Variants in CSNK2A2IP observed in about 807,000 individuals in gnomAD.
CSNK2A2IP encodes casein kinase 2 subunit alpha' interacting protein, also known as casein kinase II subunit alpha'-interacting protein.
At chr3:88,345,996 A>G in the CSNK2A2IP span, among the ~76,000 whole-genome samples, 1 of 119,994 alleles carries the variant, frequency 8.3e-6, no homozygotes, top group Non-Finnish European at 2.1e-5. Context: ...TCCAATGACT[A>G]CACAAATAAT....
the CSNK2A2IP span, among the ~76,000 whole-genome samples, chr3:88,342,753 T>C: frequency 6.6e-6 from 1 of 151,736 alleles, no homozygotes; most frequent in Non-Finnish European, 1.5e-5. Flanking sequence ...TACATGACTC[T>C]ACCACCTCCA....
At chr3:88,382,976 C>T in the CSNK2A2IP span, 1 of 152,160 alleles carries the variant, frequency 6.6e-6, no homozygotes, top group African/African-American at 2.4e-5. Flanking sequence ...TTTCTAATCT[C>T]ACATTTCCTA....
the CSNK2A2IP span, among the ~76,000 whole-genome samples, chr3:88,454,005 G>GATAA: frequency 2.0e-5 from 3 of 152,094 alleles, no homozygotes; most frequent in South Asian, 2.1e-4. Flanking sequence ...TTAAAGAAAG[G>GATAA]ATAAAGTGTT....
the CSNK2A2IP span, among the ~76,000 whole-genome samples, chr3:88,441,635 G>C: frequency 4.3e-4 from 65 of 152,236 alleles, no homozygotes; most frequent in Middle Eastern, 3.4e-3. Flanking sequence ...GGTAATCTTA[G>C]AGAATACATT....
chr3:88,413,720 C>T, the CSNK2A2IP span, among the ~76,000 whole-genome samples: 1 of 151,768 alleles, frequency 6.6e-6, no homozygotes, highest in Non-Finnish European at 1.5e-5. Context: ...TTCAGACTTT[C>T]AGTGTTTTTA....
At chr3:88,392,415 A>G in the CSNK2A2IP span, among the ~76,000 whole-genome samples, 1 of 152,232 alleles carries the variant, frequency 6.6e-6, no homozygotes, top group Admixed American at 6.5e-5. Context: ...GCTAGAGAAG[A>G]CAAGGAGATG....
the CSNK2A2IP span, among the ~76,000 whole-genome samples, chr3:88,345,958 G>T: frequency 6.6e-6 from 1 of 151,854 alleles, no homozygotes; most frequent in Non-Finnish European, 1.5e-5. Context: ...GCAAACAACA[G>T]GTTCTTGAAG....
chr3:88,436,939 A>G, the CSNK2A2IP span, among the ~76,000 whole-genome samples: 4 of 152,300 alleles, frequency 2.6e-5, no homozygotes, highest in East Asian at 7.7e-4. Flanking sequence ...AATTTTTAAT[A>G]GGAAAATGTG....
the CSNK2A2IP span, among the ~76,000 whole-genome samples, chr3:88,396,174 G>A: frequency 8.2e-5 from 12 of 146,928 alleles, no homozygotes; most frequent in Admixed American, 7.6e-4. Context: ...GCGCAATCTC[G>A]GCTCACTGCA....
At chr3:88,348,229 G>A in the CSNK2A2IP span, among the ~76,000 whole-genome samples, 2 of 151,928 alleles carry the variant, frequency 1.3e-5, no homozygotes, top group South Asian at 4.1e-4. Context: ...GAGAATTTCT[G>A]TTCTTGCAGC....
the CSNK2A2IP span, among the ~76,000 whole-genome samples, chr3:88,421,067 G>A: frequency 4.6e-5 from 7 of 152,076 alleles, no homozygotes; most frequent in South Asian, 2.1e-4. Context: ...TCCTCCTCCC[G>A]TCTCCGAAGA....
the CSNK2A2IP span, among the ~76,000 whole-genome samples, chr3:88,388,641 G>A: frequency 1.3e-5 from 2 of 152,168 alleles, no homozygotes; most frequent in Non-Finnish European, 2.9e-5. Context: ...ACAGTAGTCA[G>A]ATATAAGATT....
At chr3:88,445,103 A>C in the CSNK2A2IP span, among the ~76,000 whole-genome samples, 1 of 151,918 alleles carries the variant, frequency 6.6e-6, no homozygotes, top group Non-Finnish European at 1.5e-5. Flanking sequence ...TGACTTCATT[A>C]ACGAGTAAGA....
the CSNK2A2IP span, among the ~76,000 whole-genome samples, chr3:88,429,936 T>G: frequency 8.4e-5 from 12 of 143,468 alleles, no homozygotes; most frequent in African/African-American, 3.0e-4. Flanking sequence ...TTTTTTTTTG[T>G]ATTTTTAGTA....
the CSNK2A2IP span, among the ~76,000 whole-genome samples, chr3:88,402,612 A>T: frequency 6.6e-6 from 1 of 151,720 alleles, no homozygotes; most frequent in Non-Finnish European, 1.5e-5. Context: ...TCTCTTAAGA[A>T]TTTATACAAT....
chr3:88,403,815 T>G, the CSNK2A2IP span, among the ~76,000 whole-genome samples: 1 of 152,254 alleles, frequency 6.6e-6, no homozygotes, highest in East Asian at 1.9e-4. Context: ...AACGAAATTA[T>G]TTCATTTGGA....
chr3:88,446,090 CTTTCTTTCT>C, the CSNK2A2IP span, among the ~76,000 whole-genome samples: 1 of 83,878 alleles, frequency 1.2e-5, no homozygotes, highest in African/African-American at 4.9e-5. Flanking sequence ...TTCTTTCTTT[CTTTCTTTCT>C]TTTTTTCTTT....
At chr3:88,357,322 G>A in the CSNK2A2IP span, among the ~76,000 whole-genome samples, 16 of 151,914 alleles carry the variant, frequency 1.1e-4, no homozygotes, top group Admixed American at 9.2e-4. Flanking sequence ...CTTGCATATG[G>A]ATATCCAATT....
the CSNK2A2IP span, among the ~76,000 whole-genome samples, chr3:88,342,628 AC>A: frequency 4.0e-5 from 6 of 151,622 alleles, no homozygotes; most frequent in Middle Eastern, 3.2e-3. Flanking sequence ...AATACTCAGA[AC>A]TTTTTTTGTC....
Sources: allele counts gnomAD v4.1 joint callset (sites outside exome capture counted in the v4.1 genomes callset), GRCh38; gene constraint gnomAD v4.1.1; transcripts MANE v1.5; gene names NCBI Gene and HGNC (gene_info 2026-07-23, HGNC 2026-07-21).